Variants in MUC20 observed in about 807,000 individuals in gnomAD.
MUC20 encodes mucin-20.
Under a neutral mutation model 23.8 loss-of-function variants are expected in MUC20, and 14 were observed. That is an observed-to-expected ratio of 0.59 (90% CI 0.39 to 0.92). MUC20 has a LOEUF of 0.92. Ranked by LOEUF, MUC20 falls within the 40% of genes least tolerant of loss-of-function variation. The pLI, the probability that MUC20 is intolerant of heterozygous loss-of-function variation, is 0.00. For missense variants in MUC20, 375 were observed against 668.8 expected, an observed-to-expected ratio of 0.56 and a Z score of 4.85; for synonymous variants, 166 against 279.3, an observed-to-expected ratio of 0.59 and a Z score of 4.04.
chr3:195,731,566 C>T (rs1448065971), intron 3 of MUC20, among the ~76,000 whole-genome samples: 1 of 152,266 alleles, frequency 6.6e-6, no homozygotes, highest in African/African-American at 2.4e-5. Context: ...TGGGATCAGG[C>T]TGGCTGGGAC....
At chr3:195,732,732 G>A (rs937332819) in intron 3 of MUC20, among the ~76,000 whole-genome samples, 3 of 152,230 alleles carry the variant, frequency 2.0e-5, no homozygotes, top group African/African-American at 4.8e-5. Context: ...AAGAAACCGC[G>A]AGATCAGGAG....
At chr3:195,732,785 T>C (rs563641985) in intron 3 of MUC20, among the ~76,000 whole-genome samples, 1 of 152,358 alleles carries the variant, frequency 6.6e-6, no homozygotes, top group African/African-American at 2.4e-5. Flanking sequence ...CACATGGGGT[T>C]GGGCATCAGT....
chr3:195,731,633 C>T (rs545858574), intron 3 of MUC20, among the ~76,000 whole-genome samples: 4 of 152,378 alleles, frequency 2.6e-5, no homozygotes, highest in East Asian at 1.9e-4. Context: ...AGGGGCATCA[C>T]GTGGCCTGCA....
intron 3 of MUC20, among the ~76,000 whole-genome samples, chr3:195,730,539 A>G (rs1489250346): frequency 1.3e-5 from 2 of 151,472 alleles, no homozygotes; most frequent in African/African-American, 4.9e-5. Context: ...TTTAGTAGAG[A>G]CGGGGTTTCA....
chr3:195,726,934 G>A (rs1394230605), intron 2 of MUC20, among the ~76,000 whole-genome samples: 1 of 152,262 alleles, frequency 6.6e-6, no homozygotes, highest in Non-Finnish European at 1.5e-5. Context: ...GACCTTCTGT[G>A]AAGTGCACTG....
At chr3:195,729,836 C>A in intron 3 of MUC20, 97 bp downstream of exon 3, 1 of 1,205,468 alleles carries the variant, frequency 8.3e-7, no homozygotes, top group Non-Finnish European at 1.2e-6. Context: ...GCAGCTACCG[C>A]GCTTGGAAGG....
intron 3 of MUC20, 112 bp from the exon 4 acceptor site, chr3:195,733,038 G>T: frequency 8.6e-7 from 1 of 1,157,660 alleles, no homozygotes; most frequent in South Asian, 1.4e-5. Flanking sequence ...GGCCCAGGAA[G>T]GGTTGCCGTC....
chr3:195,729,486 T>C (rs1713130914), intron 2 of MUC20, 162 bp from the exon 3 acceptor site: 1 of 682,000 alleles, frequency 1.5e-6, no homozygotes, highest in Admixed American at 2.5e-5. Context: ...CCGGCTCATT[T>C]TGTGTTTTTA....
At position 195,730,639 on chromosome 3, in the gene MUC20, C is replaced by T. The variant is rs572427793; in HGVS notation, c.2061+900C>T. ...TGCTGGGATTACAGACATGAGCCAC[C>T]GCACCCGGCCCCCTCTCCCCAAATT... On this transcript the variant is annotated intron_variant, in intron 3 of 3. Transcript: ENST00000447234. Among the ~76,000 whole-genome samples, 19 of 152,254 alleles carry T rather than the reference C, an allele frequency of 1.2e-4. No homozygotes were observed. In the South Asian group the frequency reaches 1.5e-3, roughly 12 times the overall value.
chr3:195,727,016 G>A (rs368726227), intron 2 of MUC20, among the ~76,000 whole-genome samples: 37 of 152,372 alleles, frequency 2.4e-4, no homozygotes, highest in East Asian at 5.8e-4. Context: ...TCAGGCCCAA[G>A]CTGCTGCTCT....
chr3:195,729,931 C>A, intron 3 of MUC20, 192 bp downstream of exon 3: 1 of 624,654 alleles, frequency 1.6e-6, no homozygotes, highest in Non-Finnish European at 2.8e-6. Context: ...CCGAGTTCTT[C>A]ATTTCCTTCT....
rs1330934476 is a variant in MUC20, at chr3:195,733,226, C to T, written c.*8C>T. The T allele has an allele frequency of 1.1e-5, 17 of 1,582,300 alleles. No homozygotes were observed. The highest frequency in any genetic ancestry group is 1.3e-5 in the Non-Finnish European group (15 of 1,165,256). On this transcript the variant is annotated 3_prime_UTR_variant, in exon 4 of 4. Transcript: ENST00000447234. ...CGTGTCAGGAGAGGCTAACGGACAT[C>T]AGCTGCAGCCAGGCATGTCCCGTAT...
intron 3 of MUC20, among the ~76,000 whole-genome samples, chr3:195,732,924 C>T (rs952807257): frequency 6.6e-6 from 1 of 152,278 alleles, no homozygotes; most frequent in Non-Finnish European, 1.5e-5. Context: ...ATGCGACTTT[C>T]ATCCCTTATA....
intron 3 of MUC20, among the ~76,000 whole-genome samples, chr3:195,730,632 G>A (rs1192719434): frequency 1.3e-5 from 2 of 152,128 alleles, no homozygotes; most frequent in African/African-American, 4.8e-5. Context: ...TTACAGACAT[G>A]AGCCACCGCA....
intron 1 of MUC20, chr3:195,721,926 C>T: frequency 6.5e-6 from 1 of 153,272 alleles, no homozygotes; most frequent in Non-Finnish European, 1.5e-5. Context: ...ACTCGGGAGG[C>T]TGAGGCAGGA....
chr3:195,727,568 C>T lies in MUC20; in HGVS notation c.1969+996C>T, dbSNP rs560391744. ...CCCTTGGGCCTCATCTCTGTGTATC[C>T]GCAGCTTGTTACCACCTTTCTGGGG... On this transcript the variant is annotated intron_variant, in intron 2 of 3. Coordinates refer to ENST00000447234, the MANE Select transcript of MUC20 (RefSeq NM_001282506.2). Among the ~76,000 whole-genome samples the T allele has an allele frequency of 5.2e-5, 8 of 152,386 alleles. No homozygotes were observed. The East Asian group carries it at 7.7e-4, about 15-fold the overall frequency.
At chr3:195,731,887 C>T (rs1272870354) in intron 3 of MUC20, among the ~76,000 whole-genome samples, 6 of 152,370 alleles carry the variant, frequency 3.9e-5, no homozygotes, top group Middle Eastern at 3.4e-3. Flanking sequence ...GGGCTCGACA[C>T]CCGATGGCCA....
In MUC20 at chr3:195,721,052, C is replaced by A; in HGVS notation, c.45C>A (p.Cys15Ter). 1 of 1,589,482 alleles carries A rather than the reference C, an allele frequency of 6.3e-7. No individual in the cohort carries two copies. Among genetic ancestry groups the A allele is most frequent in the Admixed American group, 1.8e-5 (1 of 56,466 alleles). The change falls in exon 1 of 4, where the codon TGC (cysteine) becomes TGA (stop). Residue 15 changes from cysteine (C) to a stop codon, truncating the protein, a stop_gained. Transcript: ENST00000447234. LOFTEE classifies it high-confidence loss of function. ...WGLALPLFFF[C>*]WEVGVSGSSA... ...TGGCTCTGCCCCTTTTCTTCTTCTG[C>A]TGGGAGGTTGGGGTCTCTGGGAGCT... is the stretch of plus-strand genomic sequence containing the variant.
At chr3:195,731,918 G>A (rs944668073) in intron 3 of MUC20, among the ~76,000 whole-genome samples, 1 of 152,272 alleles carries the variant, frequency 6.6e-6, no homozygotes, top group African/African-American at 2.4e-5. Context: ...AAATGCCCCC[G>A]GCATGTGATA....
Sources: gnomAD v4.1 joint callset for allele counts (sites outside exome capture counted in the v4.1 genomes callset) on GRCh38, gnomAD v4.1.1 for gene constraint, MANE v1.5 for transcripts, NCBI Gene and HGNC (gene_info 2026-07-23, HGNC 2026-07-21) for gene names.